TMEM201: variants seen among roughly 807,000 people sequenced by gnomAD.
TMEM201 encodes RP13-15M17.2.
In TMEM201, 26 loss-of-function variants were observed where a neutral mutation model predicts 63.4. The ratio of observed to expected loss-of-function variants is 0.41; its 90% CI spans 0.30 to 0.57. The LOEUF (loss-of-function observed/expected upper bound fraction) is 0.57. TMEM201 is among the 20% of genes least tolerant of loss of function. The pLI is 0.29. For synonymous variants in TMEM201, 417 were observed against 421.6 expected, an observed-to-expected ratio of 0.99 and a Z score of 0.14; for missense variants, 794 against 917.7, an observed-to-expected ratio of 0.87 and a Z score of 1.74.
In TMEM201 at chr1:9,613,553, C is replaced by A. The variant is rs544675544; in HGVS notation, c.*470C>A. 4.5e-4 allele frequency: 73 copies of A among 161,344 alleles called. No individual in the cohort carries two copies. Among genetic ancestry groups the A allele is most frequent in the Admixed American group, 1.1e-3 (18 of 16,538 alleles). The allele number at this position is 161,344 out of a possible 1,614,324, so 10.0% of individuals were successfully genotyped here. Reference sequence around the variant, plus strand: ...CTCAGAGCCCCACTAAGCTGAAGGCCCCCTGGGGGAGGGGGAAGCATGGTC... The same window carrying A: ...CTCAGAGCCCCACTAAGCTGAAGGCACCCTGGGGGAGGGGGAAGCATGGTC... On this transcript the variant is annotated 3_prime_UTR_variant, in exon 11 of 11. Coordinates refer to ENST00000340381, the MANE Select transcript of TMEM201 (RefSeq NM_001130924.3).
rs1644229107 is a variant in TMEM201 at position 9,605,630 on chromosome 1, A to T, written c.1161-1927A>T. ...TGCTGGTTGAGTGATGTTCCCACAT[A>T]TCACAGTGAGGGAGTCAAACTGCGA... On this transcript the variant is annotated intron_variant, in intron 6 of 10. Transcript: ENST00000340381. This position sits in a 1 kb window ranked among gnomAD's most constrained non-coding sequence, Gnocchi z 5.7. Among the ~76,000 whole-genome samples the T allele has an allele frequency of 6.6e-6, 1 of 152,202 alleles. No homozygotes were observed. Among genetic ancestry groups the T allele is most frequent in the South Asian group, 2.1e-4 (1 of 4,834 alleles).
intron 9 of TMEM201, chr1:9,611,049 TC>T (rs1644317626): frequency 6.6e-7 from 1 of 1,524,374 alleles, no homozygotes; most frequent in East Asian, 2.5e-5. Context: ...TTGGAACTGA[TC>T]GAAAACACAT....
At chr1:9,589,120 C>A in intron 1 of TMEM201, 77 bp downstream of exon 1, 2 of 661,462 alleles carry the variant, frequency 3.0e-6, no homozygotes, top group Non-Finnish European at 3.7e-6. Flanking sequence ...CGGCCCGCTG[C>A]CCCCCTCGGC....
intron 9 of TMEM201, chr1:9,611,064 G>A (rs976701154): frequency 3.3e-6 from 5 of 1,514,392 alleles, no homozygotes; most frequent in East Asian, 2.5e-5. Flanking sequence ...AACACATCAC[G>A]CATTGCCAGG....
chr1:9,613,401 C>T lies in TMEM201; in HGVS notation c.*318C>T, dbSNP rs571662631. On this transcript the variant is annotated 3_prime_UTR_variant, in exon 11 of 11. Coordinates refer to ENST00000340381, the MANE Select transcript of TMEM201 (RefSeq NM_001130924.3). ...CCCTGGGGTGCCCCACACAGTTCAG[C>T]CCTGCCTGGCAGGGACGCCAGTACT... is the stretch of plus-strand genomic sequence containing the variant. 4.3e-5 allele frequency: 18 copies of T among 417,140 alleles called. No homozygotes were observed. The highest frequency in any genetic ancestry group is 3.6e-4 in the African/African-American group (18 of 50,540). The allele number at this position is 417,140 out of a possible 1,614,324, so 25.8% of individuals were successfully genotyped here. A position where few individuals can be genotyped will look rare whatever the true frequency, so the allele number is the denominator to read the frequency against.
intron 1 of TMEM201, among the ~76,000 whole-genome samples, chr1:9,594,236 G>A (rs529405003): frequency 2.0e-5 from 3 of 152,356 alleles, no homozygotes; most frequent in East Asian, 1.9e-4. Context: ...GGCTGGCTCC[G>A]TTTCGTCGCT....
intron 6 of TMEM201, 183 bp downstream of exon 6, chr1:9,602,455 C>G (rs1436419146): frequency 2.8e-6 from 4 of 1,439,530 alleles, no homozygotes; most frequent in Non-Finnish European, 3.6e-6. Context: ...TCAGTCTGCC[C>G]TGCCTTTTCC....
Position 9,610,476 on chromosome 1 carries a change from C to T in TMEM201, c.1466-30C>T, listed in dbSNP as rs573485101. ...GTAGCGTTGCAGTGACAGGAGCCCA[C>T]GTTCACATCATCTTCCTCCCTCCCT... On this transcript the variant is annotated intron_variant, in intron 8 of 10. Transcript: ENST00000340381. This position sits in a 1 kb window ranked among gnomAD's most constrained non-coding sequence, Gnocchi z 4.9. 1.8e-5 allele frequency: 27 copies of T among 1,484,918 alleles called. No homozygotes were observed. Among genetic ancestry groups the T allele is most frequent in the African/African-American group, 1.1e-4 (8 of 71,646 alleles). The allele number at this position is 1,484,918 out of a possible 1,614,324, so 92.0% of individuals were successfully genotyped here. A position where few individuals can be genotyped will look rare whatever the true frequency, so the allele number is the denominator to read the frequency against.
chr1:9,602,963 G>A (rs992211735), intron 6 of TMEM201: 28 of 985,472 alleles, frequency 2.8e-5, no homozygotes, highest in African/African-American at 7.0e-5. Context: ...TGCAGTTCTT[G>A]GGCCCAGCCT....
chr1:9,610,938 C>T lies in TMEM201; in HGVS notation c.1765+133C>T. Reference sequence around the variant, plus strand: ...CCTTCCCACCCTGGAGCTCTAGGCACCCCATTCCGGCTCTGGTGACTTGAA... The same window carrying T: ...CCTTCCCACCCTGGAGCTCTAGGCATCCCATTCCGGCTCTGGTGACTTGAA... On this transcript the variant is annotated intron_variant, in intron 9 of 10. Coordinates refer to ENST00000340381, the MANE Select transcript of TMEM201 (RefSeq NM_001130924.3). This position sits in a 1 kb window ranked among gnomAD's most constrained non-coding sequence, Gnocchi z 4.9. The T allele has an allele frequency of 6.7e-7, 1 of 1,500,226 alleles. No homozygotes were observed. The highest frequency in any genetic ancestry group is 2.0e-5 in the Admixed American group (1 of 50,452). 92.9% of individuals were successfully genotyped at this position (1,500,226 alleles called of 1,614,324 possible).
In TMEM201 at chr1:9,598,482, C is replaced by T. The variant is rs775301506; in HGVS notation, c.463C>T (p.His155Tyr). The T allele has an allele frequency of 6.2e-7, 1 of 1,613,924 alleles. No homozygotes were observed. Among genetic ancestry groups the T allele is most frequent in the East Asian group, 2.2e-5 (1 of 44,880 alleles). The change falls in exon 4 of 11, where the codon CAT becomes TAT. Residue 155 changes from histidine (H) to tyrosine (Y), a missense_variant. His to Tyr is a moderately conservative substitution (Grantham distance 83). Coordinates refer to ENST00000340381, the MANE Select transcript of TMEM201 (RefSeq NM_001130924.3). ...TGACGAGGAGGTCGAGGTGTACCGG[C>T]ATCACCTGGAGCAGATGTACAAGCT... ...RYDEEVEVYR[H>Y]HLEQMYKLCR... is the part of the protein sequence containing the mutation.
chr1:9,599,724 G>A (rs558211165), intron 4 of TMEM201, among the ~76,000 whole-genome samples: 10 of 152,238 alleles, frequency 6.6e-5, no homozygotes, highest in South Asian at 6.2e-4. Context: ...CCGGGTTCAC[G>A]CAATTCTCCT....
At chr1:9,592,161 T>C (rs1257130139) in intron 1 of TMEM201, among the ~76,000 whole-genome samples, 2 of 152,230 alleles carry the variant, frequency 1.3e-5, no homozygotes, top group African/African-American at 4.8e-5. Context: ...CAGTGCTAAG[T>C]TCTGAGTTGC....
rs1312714400 is a variant in TMEM201, at chr1:9,613,060, T to G, written c.1978T>G (p.Phe660Val). The change falls in exon 11 of 11, where the codon TTT becomes GTT. Residue 660 changes from phenylalanine to valine, a missense_variant. Physicochemically the swap from Phe to Val is conservative, Grantham distance 50. Transcript: ENST00000340381. ...CGCCAACGCCCTGTTCACCTCGGTG[T>G]TTCTGTACCAGAGCCTGCGCTGACC... ...LAANALFTSV[F>V]LYQSLR 1.3e-6 allele frequency: 2 copies of G among 1,551,094 alleles called. No homozygotes were observed. Among genetic ancestry groups the G allele is most frequent in the Non-Finnish European group, 1.7e-6 (2 of 1,146,996 alleles).
Position 9,610,442 on chromosome 1 carries a change from T to A in TMEM201, c.1466-64T>A. 1.4e-6 allele frequency: 2 copies of A among 1,379,856 alleles called. No individual in the cohort carries two copies. The highest frequency in any genetic ancestry group is 9.6e-7 in the Non-Finnish European group (1 of 1,039,696). 85.5% of individuals were successfully genotyped at this position (1,379,856 alleles called of 1,614,324 possible). A position where few individuals can be genotyped will look rare whatever the true frequency, so the allele number is the denominator to read the frequency against. ...TAGAAGAATGCCCCCAGAAATGAAATAGCGCATTGTAGCGTTGCAGTGACA... is the reference window on the plus strand; with the variant it reads ...TAGAAGAATGCCCCCAGAAATGAAAAAGCGCATTGTAGCGTTGCAGTGACA... On this transcript the variant is annotated intron_variant, in intron 8 of 10. Transcript: ENST00000340381. The surrounding 1 kb of genome is among the most constrained non-coding windows in gnomAD (Gnocchi z 4.9).
intron 1 of TMEM201, among the ~76,000 whole-genome samples, chr1:9,592,231 T>G (rs1643933347): frequency 6.6e-6 from 1 of 152,224 alleles, no homozygotes; most frequent in South Asian, 2.1e-4. Context: ...TCTGGTTGAA[T>G]GAAACACGGT....
Position 9,607,234 on chromosome 1 carries a change from G to A in TMEM201, c.1161-323G>A, listed in dbSNP as rs956206717. ...GGGCTGGGCATTTTTGCTTCAAGGC[G>A]AAAGGGTTGGCATGAGGTTGGCAAA... On this transcript the variant is annotated intron_variant, in intron 6 of 10. Transcript: ENST00000340381. This position sits in a 1 kb window ranked among gnomAD's most constrained non-coding sequence, Gnocchi z 5.4. Among the ~76,000 whole-genome samples the A allele has an allele frequency of 1.3e-5, 2 of 152,082 alleles. No individual in the cohort carries two copies. The highest frequency in any genetic ancestry group is 2.9e-5 in the Non-Finnish European group (2 of 68,022).
rs2100515526 is a variant in TMEM201 at position 9,607,571 on chromosome 1, ACT to A, written c.1178_1179del (p.Ser393CysfsTer80). The A allele has an allele frequency of 1.9e-6, 3 of 1,548,768 alleles. No homozygotes were observed. The highest frequency in any genetic ancestry group is 2.6e-6 in the Non-Finnish European group (3 of 1,145,770). Reference sequence around the variant, plus strand: ...GGCCCTTGCAGGTTCTTCCCAGGAGACTCTGCCGGCCTTTTCCCCACCAGCCC... The same window carrying A: ...GGCCCTTGCAGGTTCTTCCCAGGAGACTGCCGGCCTTTTCCCCACCAGCCC... On this transcript the variant is annotated frameshift_variant, in exon 7 of 11. Coordinates refer to ENST00000340381, the MANE Select transcript of TMEM201 (RefSeq NM_001130924.3). LOFTEE classifies it high-confidence loss of function. This position sits in a 1 kb window ranked among gnomAD's most constrained non-coding sequence, Gnocchi z 5.4.
At chr1:9,589,139 G>A in intron 1 of TMEM201, 96 bp downstream of exon 1, 1 of 513,580 alleles carries the variant, frequency 1.9e-6, no homozygotes, top group Non-Finnish European at 2.5e-6. Context: ...GCCGGGACCC[G>A]GGCTGCCCGC....
Sources: allele counts gnomAD v4.1 joint callset (sites outside exome capture counted in the v4.1 genomes callset), GRCh38; gene constraint gnomAD v4.1.1; non-coding constraint Gnocchi (gnomAD v3.1); transcripts MANE v1.5; gene names NCBI Gene and HGNC (gene_info 2026-07-23, HGNC 2026-07-21).